The following MARK4 variants were observed in gnomAD, a reference collection of about 807,000 sequenced individuals.
MARK4 encodes MAP/microtubule affinity-regulating kinase 4.
In MARK4, 19 loss-of-function variants were observed where a neutral mutation model predicts 81.5. The ratio of observed to expected loss-of-function variants is 0.23; its 90% confidence interval spans 0.16 to 0.34. The LOEUF (loss-of-function observed/expected upper bound fraction) is 0.34. Among genes scored for constraint, MARK4 ranks in the 10% least tolerant of loss-of-function variants. MARK4 has a pLI of 1.00. For missense variants in MARK4, 772 were observed against 1,058.8 expected (o/e 0.73, Z 3.76); for synonymous variants, 436 against 439.0 (o/e 0.99, Z 0.08).
At position 45,287,639 on chromosome 19, in the gene MARK4, G is replaced by C; in HGVS notation, c.1469G>C (p.Arg490Pro). ...CCCAACAAGGCAGAGATCCCAGAGC[G>C]GCGGAAGGACAGCACGAGCACCCCC... is the stretch of plus-strand genomic sequence containing the variant. ...HNPNKAEIPERRKDSTSTPNN... is the reference protein window; with the variant it reads ...HNPNKAEIPEPRKDSTSTPNN... The change falls in exon 13 of 17, where the codon CGG becomes CCG. Residue 490 changes from arginine to proline, a missense_variant. Physicochemically the swap from Arg to Pro is moderately radical, Grantham distance 103 (BLOSUM62 -2). Around this residue, in one of 3 missense-constraint regions of MARK4, gnomAD observed 548 missense variants for 624.3 expected, o/e 0.88. Transcript: ENST00000262891. 1 of 1,598,064 alleles carries C rather than the reference G, an allele frequency of 6.3e-7. No individual in the cohort carries two copies. The highest frequency in any genetic ancestry group is 8.6e-7 in the Non-Finnish European group (1 of 1,169,164).
intron 14 of MARK4, among the ~76,000 whole-genome samples, chr19:45,296,169 G>A (rs1970884132): frequency 6.6e-6 from 1 of 151,958 alleles, no homozygotes. Flanking sequence ...TGGCCTTCCA[G>A]TTCTGCTCAA....
rs574541114 is a variant in MARK4 at position 45,265,080 on chromosome 19, G to A, written c.492+170G>A. Among the ~76,000 whole-genome samples, 6 of 152,306 alleles carry A rather than the reference G, an allele frequency of 3.9e-5. No homozygotes were observed. The South Asian group carries it at 1.0e-3, about 26-fold the overall frequency. ...TGGGCATATAGTTGCCCAGATGTGA[G>A]GGCATCCGGATGTAGGTTTGCAGGT... is the stretch of plus-strand genomic sequence containing the variant. On this transcript the variant is annotated intron_variant, in intron 6 of 16. Coordinates refer to ENST00000262891, the MANE Select transcript of MARK4 (RefSeq NM_001199867.2).
At chr19:45,278,271 T>C (rs997269004) in intron 9 of MARK4, among the ~76,000 whole-genome samples, 5 of 151,990 alleles carry the variant, frequency 3.3e-5, no homozygotes, top group Non-Finnish European at 7.4e-5. Flanking sequence ...TGCCAGTAAT[T>C]AGCTAATGAG....
In MARK4 at chr19:45,297,681, G is replaced by T; in HGVS notation, c.1604G>T (p.Gly535Val). The T allele has an allele frequency of 6.6e-7, 1 of 1,522,740 alleles. No homozygotes were observed. The allele number at this position is 1,522,740 out of a possible 1,614,324, so 94.3% of individuals were successfully genotyped here. A position where few individuals can be genotyped will look rare whatever the true frequency, so the allele number is the denominator to read the frequency against. Residue 535 changes from glycine (G) to valine (V), a missense_variant, in exon 15 of 17, where the codon GGC (glycine) becomes GTC (valine). Physicochemically the swap from Gly to Val is moderately radical, Grantham distance 109. Around this residue, in one of 3 missense-constraint regions of MARK4, gnomAD observed 548 missense variants for 624.3 expected, o/e 0.88. Coordinates refer to ENST00000262891, the MANE Select transcript of MARK4 (RefSeq NM_001199867.2). The part of the protein sequence containing the change: ...LLPNGKENSS[G>V]TPRVPPASPS... ...TTGTCTGTCTCTGCCCACAGCTCAG[G>T]CACCCCACGGGTGCCCCCTGCCTCC...
intron 16 of MARK4, 103 bp downstream of exon 16, chr19:45,299,958 C>T (rs1970946255): frequency 2.8e-6 from 3 of 1,082,132 alleles, no homozygotes; most frequent in South Asian, 4.2e-5. Context: ...TCTCATCCTG[C>T]AAGGCCAACT....
At chr19:45,262,301 G>A (rs1172826537) in intron 2 of MARK4, among the ~76,000 whole-genome samples, 2 of 132,112 alleles carry the variant, frequency 1.5e-5, no homozygotes, top group Non-Finnish European at 3.1e-5. Flanking sequence ...TAACACCACT[G>A]TACTCTAGCC....
chr19:45,267,284 C>T (rs1375129413), intron 7 of MARK4, among the ~76,000 whole-genome samples: 1 of 152,140 alleles, frequency 6.6e-6, no homozygotes, highest in Non-Finnish European at 1.5e-5. Flanking sequence ...GTCTTGAACT[C>T]ATGACCTCAG....
At chr19:45,296,414 C>T (rs573054305) in intron 14 of MARK4, among the ~76,000 whole-genome samples, 4 of 152,314 alleles carry the variant, frequency 2.6e-5, no homozygotes, top group South Asian at 2.1e-4. Flanking sequence ...GGACTGAGGC[C>T]GCTGCACCAG....
At position 45,263,364 on chromosome 19, in the gene MARK4, A is replaced by G. The variant is rs1292504832; in HGVS notation, c.352A>G (p.Ile118Val). 6.2e-7 allele frequency: 1 copy of G among 1,613,834 alleles called. No individual in the cohort carries two copies. The highest frequency in any genetic ancestry group is 8.5e-7 in the Non-Finnish European group (1 of 1,179,914). The change falls in exon 4 of 17, where the codon ATC becomes GTC. Residue 118 changes from isoleucine (I) to valine (V), a missense_variant. Transcript: ENST00000262891. ...CATGAAGGGCCTAAACCACCCCAAC[A>G]TCGGTGAGGAGGGAATGGGAGCAGG... ...RIMKGLNHPNIVKLFEVIETE... is the reference protein window; with the variant it reads ...RIMKGLNHPNVVKLFEVIETE...
At chr19:45,258,419 G>A (rs1970337147) in intron 1 of MARK4, among the ~76,000 whole-genome samples, 1 of 152,192 alleles carries the variant, frequency 6.6e-6, no homozygotes. Flanking sequence ...AATTAGAAAA[G>A]GAGGTTGGGG....
rs1970985950 is a variant in MARK4 at position 45,302,313 on chromosome 19, C to A, written c.1923-61C>A. ...CCCGAATTGGGAAGAGTTGTCCCTTCAGCCCTCCACCACATTCCTCTTCGC... is the reference window on the plus strand; with the variant it reads ...CCCGAATTGGGAAGAGTTGTCCCTTAAGCCCTCCACCACATTCCTCTTCGC... On this transcript the variant is annotated intron_variant, in intron 16 of 16. Coordinates refer to ENST00000262891, the MANE Select transcript of MARK4 (RefSeq NM_001199867.2). This position sits in a 1 kb window ranked among gnomAD's most constrained non-coding sequence, Gnocchi z 4.9. 6.2e-7 allele frequency: 1 copy of A among 1,609,974 alleles called. No individual in the cohort carries two copies. The highest frequency in any genetic ancestry group is 1.7e-5 in the Admixed American group (1 of 59,708).
At chr19:45,265,876 C>T (rs988839808) in intron 6 of MARK4, among the ~76,000 whole-genome samples, 2 of 151,930 alleles carry the variant, frequency 1.3e-5, no homozygotes, top group Non-Finnish European at 2.9e-5. Flanking sequence ...TCTGCCTTGA[C>T]GCTGCTGTCC....
intron 12 of MARK4, among the ~76,000 whole-genome samples, chr19:45,281,359 T>TTTC (rs1413367835): frequency 1.6e-5 from 2 of 121,456 alleles, no homozygotes; most frequent in African/African-American, 7.2e-5. Context: ...TTTTCTTTTC[T>TTTC]TTTCTTTCTT....
At chr19:45,256,101 G>A (rs562263188) in intron 1 of MARK4, among the ~76,000 whole-genome samples, 2 of 152,350 alleles carry the variant, frequency 1.3e-5, no homozygotes, top group East Asian at 3.9e-4. Flanking sequence ...TCCCATGGAA[G>A]GAGGATAACA....
Position 45,270,236 on chromosome 19 carries a change from A to G in MARK4, c.550-1236A>G, listed in dbSNP as rs188106369. 5.3e-5 allele frequency among the ~76,000 whole-genome samples: 8 copies of G among 152,266 alleles called. No individual in the cohort carries two copies. In the East Asian group the frequency reaches 1.3e-3, roughly 26 times the overall value. On this transcript the variant is annotated intron_variant, in intron 7 of 16. Coordinates refer to ENST00000262891, the MANE Select transcript of MARK4 (RefSeq NM_001199867.2). The stretch of plus-strand genomic sequence containing the variant: ...GGTGTCGAGATCACCCTCAGTTTAC[A>G]TACAAGGAAACTGAGGCACAGAGAG...
At chr19:45,293,942 T>G (rs921872662) in intron 13 of MARK4, among the ~76,000 whole-genome samples, 2 of 152,160 alleles carry the variant, frequency 1.3e-5, no homozygotes, top group Admixed American at 1.3e-4. Flanking sequence ...AGTAATGTTC[T>G]AACAGGTGAG....
At chr19:45,257,074 C>T (rs1220482726) in intron 1 of MARK4, among the ~76,000 whole-genome samples, 3 of 151,978 alleles carry the variant, frequency 2.0e-5, no homozygotes, top group Non-Finnish European at 4.4e-5. Context: ...CCCATCTCAG[C>T]CCCCTGAGTA....
intron 1 of MARK4, among the ~76,000 whole-genome samples, chr19:45,258,663 GC>G (rs1382994774): frequency 6.6e-6 from 1 of 151,672 alleles, no homozygotes; most frequent in African/African-American, 2.4e-5. Flanking sequence ...TCGTGCCACT[GC>G]ACTCCAGCCT....
At chr19:45,254,390 T>G (rs1970281809) in intron 1 of MARK4, among the ~76,000 whole-genome samples, 1 of 151,808 alleles carries the variant, frequency 6.6e-6, no homozygotes, top group Non-Finnish European at 1.5e-5. Context: ...CTGACAGGGC[T>G]TCTTCTCCAG....
Sources: allele counts gnomAD v4.1 joint callset (sites outside exome capture counted in the v4.1 genomes callset), GRCh38; gene constraint gnomAD v4.1.1; regional missense constraint gnomAD v4.1.1; non-coding constraint Gnocchi (gnomAD v3.1); transcripts MANE v1.5; gene names NCBI Gene and HGNC (gene_info 2026-07-23, HGNC 2026-07-21).